Variants in SORL1-AS1 observed in about 807,000 individuals in gnomAD.
The protein encoded by SORL1-AS1 is lncRNA 51 A.
chr11:121,452,025 C>T lies in SORL1-AS1; in HGVS notation n.339+650G>A, dbSNP rs1019719661. 1.1e-4 allele frequency among the ~76,000 whole-genome samples: 16 copies of T among 152,160 alleles called. No homozygotes were observed. The highest frequency in any genetic ancestry group is 1.9e-4 in the Non-Finnish European group (13 of 67,988). On this transcript the variant is annotated intron_variant and non_coding_transcript_variant, in intron 1 of 1. Transcript: ENST00000501964. This position sits in a 1 kb window ranked among gnomAD's most constrained non-coding sequence, Gnocchi z 5.3. The stretch of plus-strand genomic sequence containing the variant: ...GCCCGCCAGGGAAGGGACGCACCCC[C>T]ACCGGCGCTCGCTGCCTTAACTTCC...
chr11:121,446,319 G>A (rs976058932), downstream of SORL1-AS1, among the ~76,000 whole-genome samples: 3 of 152,232 alleles, frequency 2.0e-5, no homozygotes, highest in Non-Finnish European at 2.9e-5. Flanking sequence ...AGGGCCTCTA[G>A]GGGTAGTTGG....
chr11:121,447,415 C>G (rs984925545), exon 2 of SORL1-AS1: 1 of 151,248 alleles, frequency 6.6e-6, no homozygotes, highest in African/African-American at 2.4e-5. Flanking sequence ...TGGGCTCAAG[C>G]GATCCTCCCC....
the SORL1-AS1 span, among the ~76,000 whole-genome samples, chr11:121,441,424 G>A: frequency 3.3e-5 from 5 of 150,848 alleles, no homozygotes; most frequent in African/African-American, 9.8e-5. Context: ...CCAGCTACTC[G>A]GGAGGCTGAG....
chr11:121,444,927 A>C (rs563127955), downstream of SORL1-AS1, among the ~76,000 whole-genome samples: 181 of 152,322 alleles, frequency 1.2e-3, no homozygotes, highest in African/African-American at 4.2e-3. Context: ...TGTTGAAATA[A>C]CCATTGAAAA....
chr11:121,445,710 G>A (rs904274243), downstream of SORL1-AS1, among the ~76,000 whole-genome samples: 3 of 151,648 alleles, frequency 2.0e-5, no homozygotes, highest in African/African-American at 7.3e-5. Flanking sequence ...AGCTCATAAC[G>A]TCTTATTCTC....
chr11:121,442,641 T>TTTTA (rs369945985), downstream of SORL1-AS1, among the ~76,000 whole-genome samples: 5,712 of 127,494 alleles, frequency 0.045, 197 homozygotes, highest in Middle Eastern at 0.052. Flanking sequence ...TCTCTCTCTC[T>TTTTA]TTTATTTATT....
the SORL1-AS1 span, among the ~76,000 whole-genome samples, chr11:121,439,167 C>T: frequency 0.017 from 2,581 of 152,262 alleles, 43 homozygotes; most frequent in Middle Eastern, 0.037. Flanking sequence ...TTCCAAATGG[C>T]TCTACCATTT....
exon 2 of SORL1-AS1, chr11:121,447,638 T>C (rs1438285231): frequency 6.6e-6 from 1 of 152,064 alleles, no homozygotes; most frequent in African/African-American, 2.4e-5. Flanking sequence ...ACTTGCGCTC[T>C]CTCACAGGTT....
downstream of SORL1-AS1, among the ~76,000 whole-genome samples, chr11:121,444,191 C>G (rs1018805530): frequency 1.3e-5 from 2 of 152,086 alleles, no homozygotes; most frequent in South Asian, 2.1e-4. Context: ...CAACATATCA[C>G]CTGGTAGTGA....
downstream of SORL1-AS1, among the ~76,000 whole-genome samples, chr11:121,442,757 C>A (rs1223893145): frequency 3.3e-5 from 5 of 149,742 alleles, no homozygotes; most frequent in Non-Finnish European, 7.4e-5. Flanking sequence ...CGGCTCACTG[C>A]AAGCTCCGCC....
At chr11:121,446,754 G>GAA (rs552381479), downstream of SORL1-AS1, among the ~76,000 whole-genome samples, 9 of 94,436 alleles carry the variant, frequency 9.5e-5, no homozygotes, top group African/African-American at 1.9e-4. Context: ...CTTAAGAGAA[G>GAA]AAAAAAAAAA....
At position 121,452,524 on chromosome 11, in the gene SORL1-AS1, G is replaced by T. The variant is rs751430454; in HGVS notation, n.339+151C>A. ...CGAGCTGCGGCTGTGGGCGCGCGGG[G>T]ATGCCAGGGGGGCGAGCCGCGCGGA... is the stretch of plus-strand genomic sequence containing the variant. On this transcript the variant is annotated intron_variant and non_coding_transcript_variant, in intron 1 of 1. Coordinates refer to ENST00000501964, the Ensembl canonical transcript of SORL1-AS1. The surrounding 1 kb of genome is among the most constrained non-coding windows in gnomAD (Gnocchi z 5.3). 7 of 1,480,918 alleles carry T rather than the reference G, an allele frequency of 4.7e-6. No individual in the cohort carries two copies. The highest frequency in any genetic ancestry group is 4.8e-5 in the Admixed American group (2 of 41,764). 91.7% of individuals were successfully genotyped at this position (1,480,918 alleles called of 1,614,324 possible). A position where few individuals can be genotyped will look rare whatever the true frequency, so the allele number is the denominator to read the frequency against.
At chr11:121,448,058 C>T (rs543225397) in exon 2 of SORL1-AS1, 1 of 152,312 alleles carries the variant, frequency 6.6e-6, no homozygotes, top group African/African-American at 2.4e-5. Context: ...AGCAAATAGT[C>T]TTCCTTTCTG....
downstream of SORL1-AS1, among the ~76,000 whole-genome samples, chr11:121,445,440 G>T (rs759249411): frequency 6.6e-6 from 1 of 152,134 alleles, no homozygotes; most frequent in African/African-American, 2.4e-5. Context: ...TGAAAGGGAC[G>T]AGCTGGGCGC....
the SORL1-AS1 span, among the ~76,000 whole-genome samples, chr11:121,439,919 T>C: frequency 6.6e-6 from 1 of 152,206 alleles, no homozygotes; most frequent in Non-Finnish European, 1.5e-5. Context: ...ACACAGGCCA[T>C]TGGGCTGGAT....
At chr11:121,445,627 C>T (rs1860712776), downstream of SORL1-AS1, among the ~76,000 whole-genome samples, 3 of 151,928 alleles carry the variant, frequency 2.0e-5, no homozygotes, top group Admixed American at 2.0e-4. Flanking sequence ...CTTCCTGCTT[C>T]CTCCCGGAAC....
Position 121,452,532 on chromosome 11 carries a change from G to T in SORL1-AS1, n.339+143C>A, listed in dbSNP as rs556756459. ...GGCTGTGGGCGCGCGGGGATGCCAG[G>T]GGGGCGAGCCGCGCGGACGAGAAGC... is the stretch of plus-strand genomic sequence containing the variant. On this transcript the variant is annotated intron_variant and non_coding_transcript_variant, in intron 1 of 1. Coordinates refer to ENST00000501964, the Ensembl canonical transcript of SORL1-AS1. This position sits in a 1 kb window ranked among gnomAD's most constrained non-coding sequence, Gnocchi z 5.3. The T allele has an allele frequency of 2.2e-5, 33 of 1,488,208 alleles. No individual in the cohort carries two copies. The highest frequency in any genetic ancestry group is 2.8e-5 in the Non-Finnish European group (31 of 1,124,644). The allele number at this position is 1,488,208 out of a possible 1,614,324, so 92.2% of individuals were successfully genotyped here. A position where few individuals can be genotyped will look rare whatever the true frequency, so the allele number is the denominator to read the frequency against.
chr11:121,445,090 A>G (rs1344406216), downstream of SORL1-AS1, among the ~76,000 whole-genome samples: 1 of 152,168 alleles, frequency 6.6e-6, no homozygotes, highest in Non-Finnish European at 1.5e-5. Context: ...GCTCTGAGAA[A>G]ATGTATTATT....
At chr11:121,439,486 C>T in the SORL1-AS1 span, among the ~76,000 whole-genome samples, 1 of 151,886 alleles carries the variant, frequency 6.6e-6, no homozygotes, top group Non-Finnish European at 1.5e-5. Flanking sequence ...CCTTTGGCAC[C>T]GTGGAGAAAA....
Sources: gnomAD v4.1 joint callset for allele counts (sites outside exome capture counted in the v4.1 genomes callset) on GRCh38, gnomAD v4.1.1 for gene constraint, Gnocchi (gnomAD v3.1) non-coding constraint, MANE v1.5 for transcripts, NCBI Gene and HGNC (gene_info 2026-07-23, HGNC 2026-07-21) for gene names.